Variants in C8A observed in about 807,000 individuals in gnomAD.
The protein encoded by C8A is complement component C8 alpha chain.
C8A carries 67 observed loss-of-function variants against 65.3 expected under a neutral mutation model. That is an observed-to-expected ratio of 1.03 (90% CI 0.84 to 1.26). C8A has a LOEUF of 1.26. Among genes scored for constraint, C8A ranks in the 50% most tolerant of loss-of-function variants. C8A has a pLI of 0.00. For synonymous variants in C8A, 290 were observed against 259.4 expected (o/e 1.12, Z -1.13); for missense variants, 781 against 723.9 (o/e 1.08, Z -0.90).
chr1:56,861,552 C>T (rs1428729014), intron 1 of C8A, among the ~76,000 whole-genome samples: 3 of 152,146 alleles, frequency 2.0e-5, no homozygotes, highest in Non-Finnish European at 2.9e-5. Flanking sequence ...ACTGCCACAT[C>T]GGGAATCAAG....
intron 1 of C8A, among the ~76,000 whole-genome samples, chr1:56,859,481 G>C (rs986975708): frequency 6.6e-6 from 1 of 152,194 alleles, no homozygotes; most frequent in Non-Finnish European, 1.5e-5. Flanking sequence ...GAAGTGGAAA[G>C]GTTTGGCCAG....
At chr1:56,911,993 G>A (rs77612066) in intron 9 of C8A, among the ~76,000 whole-genome samples, 5,683 of 152,238 alleles carry the variant, frequency 0.037, 199 homozygotes, top group South Asian at 0.11. Context: ...ATTCTTGTGA[G>A]GAATGCACAC....
intron 1 of C8A, among the ~76,000 whole-genome samples, chr1:56,867,149 T>C (rs1178193019): frequency 2.0e-5 from 3 of 152,220 alleles, no homozygotes; most frequent in African/African-American, 7.2e-5. Context: ...CAATACACTT[T>C]CAATAACCCT....
intron 6 of C8A, 147 bp from the exon 7 acceptor site, chr1:56,885,780 G>C (rs1402826900): frequency 1.9e-6 from 2 of 1,028,652 alleles, no homozygotes; most frequent in Admixed American, 3.8e-5. Context: ...TCGATCTCCT[G>C]ACCTTGTGAT....
chr1:56,890,867 T>C (rs570852016), intron 7 of C8A, among the ~76,000 whole-genome samples: 8 of 152,282 alleles, frequency 5.3e-5, no homozygotes, highest in African/African-American at 1.9e-4. Context: ...TATCACCCTA[T>C]TTTAATTCTC....
intron 7 of C8A, among the ~76,000 whole-genome samples, chr1:56,895,634 G>A (rs562458769): frequency 2.0e-5 from 3 of 152,270 alleles, no homozygotes; most frequent in Admixed American, 1.3e-4. Context: ...CACACAAAGT[G>A]TAGTTAAGTA....
At chr1:56,906,017 C>T (rs1644461656) in intron 7 of C8A, among the ~76,000 whole-genome samples, 1 of 152,160 alleles carries the variant, frequency 6.6e-6, no homozygotes, top group Admixed American at 6.6e-5. Flanking sequence ...GTGGGCCTGA[C>T]AGTCTTTACG....
intron 1 of C8A, among the ~76,000 whole-genome samples, chr1:56,855,225 G>A (rs1171560005): frequency 6.6e-6 from 1 of 152,110 alleles, no homozygotes; most frequent in African/African-American, 2.4e-5. Flanking sequence ...CATCTCATCG[G>A]TTTGATCCTT....
At chr1:56,882,739 C>G (rs1644258157) in intron 5 of C8A, among the ~76,000 whole-genome samples, 1 of 152,118 alleles carries the variant, frequency 6.6e-6, no homozygotes. Context: ...CAAGGAAGGT[C>G]TTGGGGCTCT....
intron 2 of C8A, among the ~76,000 whole-genome samples, chr1:56,872,866 G>C (rs1644159689): frequency 6.6e-6 from 1 of 151,788 alleles, no homozygotes; most frequent in South Asian, 2.1e-4. Flanking sequence ...TTCTTGGAAG[G>C]CACATCCAGA....
At chr1:56,912,240 G>C (rs1644513387) in intron 9 of C8A, among the ~76,000 whole-genome samples, 163 bp from the exon 10 acceptor site, 1 of 152,186 alleles carries the variant, frequency 6.6e-6, no homozygotes, top group African/African-American at 2.4e-5. Flanking sequence ...TAATACCTAT[G>C]TCACAGAATG....
At chr1:56,907,792 T>C (rs1644477473) in intron 8 of C8A, among the ~76,000 whole-genome samples, 164 bp from the exon 9 acceptor site, 2 of 152,114 alleles carry the variant, frequency 1.3e-5, no homozygotes, top group Admixed American at 1.3e-4. Flanking sequence ...GTCTTGGTCC[T>C]TCCCTTCTGC....
chr1:56,895,492 C>T (rs1644381245), intron 7 of C8A, among the ~76,000 whole-genome samples: 1 of 152,118 alleles, frequency 6.6e-6, no homozygotes, highest in African/African-American at 2.4e-5. Flanking sequence ...TATAATGTCT[C>T]AAGGATGCCT....
chr1:56,862,442 G>A (rs1182893961), intron 1 of C8A, among the ~76,000 whole-genome samples: 1 of 152,144 alleles, frequency 6.6e-6, no homozygotes, highest in Non-Finnish European at 1.5e-5. Context: ...GAAACTCTCT[G>A]AACCTTCAAT....
rs1620073 is a variant in C8A at position 56,912,477 on chromosome 1, C to A, written c.1455C>A (p.Arg485=). Residue 485 remains arginine, a synonymous_variant, in exon 10 of 11, where the codon CGC becomes CGA. Coordinates refer to ENST00000361249, the MANE Select transcript of C8A (RefSeq NM_000562.3). Reference sequence around the variant, plus strand: ...AGGCCAAGCGCCAGAACCTGCGCCGCGCCTTGGACCAGTATCTGATGGAAT... The same window carrying A: ...AGGCCAAGCGCCAGAACCTGCGCCGAGCCTTGGACCAGTATCTGATGGAAT... ...PLEAKRQNLR[R]ALDQYLMEFN... The A allele has an allele frequency of 1.9e-6, 3 of 1,614,122 alleles. 1 individual carries two copies. The East Asian group carries it at 6.7e-5, about 36-fold the overall frequency.
At chr1:56,858,054 A>G (rs1643994994) in intron 1 of C8A, among the ~76,000 whole-genome samples, 1 of 152,194 alleles carries the variant, frequency 6.6e-6, no homozygotes, top group Non-Finnish European at 1.5e-5. Context: ...TTCAGTTAAT[A>G]TAATTTTCAG....
At chr1:56,860,370 G>A (rs1644021419) in intron 1 of C8A, among the ~76,000 whole-genome samples, 1 of 152,154 alleles carries the variant, frequency 6.6e-6, no homozygotes, top group Admixed American at 6.5e-5. Context: ...TTGGACAGAG[G>A]CCAGATCCCA....
At chr1:56,877,587 A>G (rs1644210824) in intron 4 of C8A, among the ~76,000 whole-genome samples, 1 of 152,182 alleles carries the variant, frequency 6.6e-6, no homozygotes. Flanking sequence ...CCTAACTTGA[A>G]TAAACTCTTT....
At chr1:56,885,852 C>T (rs1644295318) in intron 6 of C8A, 75 bp from the exon 7 acceptor site, 2 of 1,605,092 alleles carry the variant, frequency 1.2e-6, no homozygotes, top group South Asian at 1.1e-5. Flanking sequence ...ACCCAGAGAC[C>T]TTTTGCATTA....
Sources: gnomAD v4.1 joint callset for allele counts (sites outside exome capture counted in the v4.1 genomes callset) on GRCh38, gnomAD v4.1.1 for gene constraint, MANE v1.5 for transcripts, NCBI Gene and HGNC (gene_info 2026-07-23, HGNC 2026-07-21) for gene names.